PLCL2: variants seen among roughly 807,000 people sequenced by gnomAD.
PLCL2 encodes phospholipase C like 2.
PLCL2 carries 4 observed loss-of-function variants against 79.6 expected under a neutral mutation model. The observed-to-expected ratio is 0.05, with a 90% CI of 0.02 to 0.11. PLCL2 has a LOEUF of 0.11. PLCL2 is among the 10% of genes least tolerant of loss of function. The probability of loss-of-function intolerance (pLI) is 1.00; values close to 1 mark genes in which losing one functional copy is unlikely to be tolerated. For missense variants in PLCL2, 895 were observed against 1,291.0 expected, an observed-to-expected ratio of 0.69 and a Z score of 4.70; for synonymous variants, 484 against 457.7, an observed-to-expected ratio of 1.06 and a Z score of -0.73.
chr3:16,930,975 G>A (rs992402564), intron 1 of PLCL2, among the ~76,000 whole-genome samples: 1 of 151,964 alleles, frequency 6.6e-6, no homozygotes, highest in East Asian at 1.9e-4. Context: ...TTTTTCCTCT[G>A]TAAAGGCAGG....
intron 1 of PLCL2, among the ~76,000 whole-genome samples, chr3:16,925,489 T>C (rs1697225733): frequency 1.3e-5 from 2 of 152,184 alleles, no homozygotes; most frequent in South Asian, 2.1e-4. Flanking sequence ...CCATTACCAC[T>C]ATCTAATTGC....
At position 16,902,681 on chromosome 3, in the gene PLCL2, G is replaced by A. The variant is rs146782862; in HGVS notation, c.327+17315G>A. Among the ~76,000 whole-genome samples the A allele has an allele frequency of 7.7e-3, 1,176 of 152,154 alleles. 16 individuals carry two copies. Among genetic ancestry groups the A allele is most frequent in the African/African-American group, 0.027 (1,100 of 41,504 alleles). On this transcript the variant is annotated intron_variant, in intron 1 of 5. Coordinates refer to ENST00000615277, the MANE Select transcript of PLCL2 (RefSeq NM_001144382.2). ...GTCTCTATTAGAAATACAAAAGTTA[G>A]CTGGGCATGGTGATGCGTGCCTGTA...
rs759220663 is a variant in PLCL2, at chr3:17,011,699, G to A, written c.2353G>A (p.Val785Ile). The A allele has an allele frequency of 1.4e-5, 23 of 1,614,162 alleles. No homozygotes were observed. The highest frequency in any genetic ancestry group is 1.8e-5 in the Non-Finnish European group (21 of 1,180,022). Residue 785 changes from valine to isoleucine, a missense_variant, in exon 2 of 6, where the codon GTT becomes ATT. By Grantham distance (29) the Val-to-Ile change is conservative (BLOSUM62 3). This residue lies in a region of PLCL2 where 298 missense variants were observed against 459.6 expected (regional missense o/e 0.65). Transcript: ENST00000615277. The surrounding 1 kb of genome is among the most constrained non-coding windows in gnomAD (Gnocchi z 7.9). Reference sequence around the variant, plus strand: ...TGATGTGGTAGATCCTTATGTCTATGTTGAAATCCATGGAATCCCTGCTGA... The same window carrying A: ...TGATGTGGTAGATCCTTATGTCTATATTGAAATCCATGGAATCCCTGCTGA... ...KGDVVDPYVYVEIHGIPADCA... is the reference protein window; with the variant it reads ...KGDVVDPYVYIEIHGIPADCA...
At chr3:16,929,613 G>A (rs532694863) in intron 1 of PLCL2, among the ~76,000 whole-genome samples, 8 of 152,224 alleles carry the variant, frequency 5.3e-5, no homozygotes, top group East Asian at 1.9e-4. Flanking sequence ...TCTGCTGACC[G>A]TTGATGTGCT....
At chr3:16,918,776 T>G (rs1697056453) in intron 1 of PLCL2, among the ~76,000 whole-genome samples, 2 of 152,222 alleles carry the variant, frequency 1.3e-5, no homozygotes. Context: ...CTCACCTAGT[T>G]ATATAATTCT....
intron 1 of PLCL2, among the ~76,000 whole-genome samples, chr3:16,934,281 A>G (rs1381307092): frequency 1.3e-5 from 2 of 152,142 alleles, no homozygotes; most frequent in Non-Finnish European, 2.9e-5. Context: ...GGTGCCTAAG[A>G]GCTACATTTC....
At chr3:16,983,010 A>T (rs1183900594) in intron 1 of PLCL2, among the ~76,000 whole-genome samples, 1 of 152,196 alleles carries the variant, frequency 6.6e-6, no homozygotes, top group Non-Finnish European at 1.5e-5. Flanking sequence ...TTTCCATGGC[A>T]ATAGTATATT....
At chr3:17,025,430 G>A (rs1004565419) in intron 3 of PLCL2, among the ~76,000 whole-genome samples, 6 of 152,150 alleles carry the variant, frequency 3.9e-5, no homozygotes, top group African/African-American at 7.2e-5. Flanking sequence ...ACATGGGTTT[G>A]TTTGTAAGTG....
intron 1 of PLCL2, among the ~76,000 whole-genome samples, chr3:16,942,349 G>A (rs1451433508): frequency 6.6e-6 from 1 of 152,178 alleles, no homozygotes; most frequent in Non-Finnish European, 1.5e-5. Context: ...CTAAGTGAAT[G>A]GCTTTTCCTG....
At chr3:17,040,765 A>C (rs998754793) in intron 3 of PLCL2, among the ~76,000 whole-genome samples, 1 of 152,218 alleles carries the variant, frequency 6.6e-6, no homozygotes, top group Non-Finnish European at 1.5e-5. Context: ...ATTAGAACCC[A>C]TGTAAATCTT....
Position 17,010,107 on chromosome 3 carries a change from A to G in PLCL2, c.761A>G (p.Lys254Arg). ...TGLRYLISYGKHTLDMLESSQ... is the reference protein window; with the variant it reads ...TGLRYLISYGRHTLDMLESSQ... ...CTGCGGTACCTAATTTCTTATGGAAAACATACACTTGATATGTTAGAAAGT... is the reference window on the plus strand; with the variant it reads ...CTGCGGTACCTAATTTCTTATGGAAGACATACACTTGATATGTTAGAAAGT... Residue 254 changes from lysine (K) to arginine (R), a missense_variant, in exon 2 of 6, where the codon AAA (lysine) becomes AGA (arginine). This residue lies in a region of PLCL2 where 129 missense variants were observed against 208.8 expected (regional missense o/e 0.62). Transcript: ENST00000615277. The surrounding 1 kb of genome is among the most constrained non-coding windows in gnomAD (Gnocchi z 5.8). 2 of 1,614,136 alleles carry G rather than the reference A, an allele frequency of 1.2e-6. No individual in the cohort carries two copies. Among genetic ancestry groups the G allele is most frequent in the Non-Finnish European group, 1.7e-6 (2 of 1,179,986 alleles).
At chr3:16,947,303 T>A (rs2124956076) in intron 1 of PLCL2, among the ~76,000 whole-genome samples, 1 of 152,234 alleles carries the variant, frequency 6.6e-6, no homozygotes, top group East Asian at 1.9e-4. Flanking sequence ...CAACATAAAC[T>A]GCTAAAAGAG....
At chr3:17,019,022 G>A (rs2064416325) in intron 3 of PLCL2, among the ~76,000 whole-genome samples, 1 of 152,134 alleles carries the variant, frequency 6.6e-6, no homozygotes, top group South Asian at 2.1e-4. Flanking sequence ...ACAATAGATA[G>A]TAAATAGATA....
intron 5 of PLCL2, among the ~76,000 whole-genome samples, chr3:17,078,402 G>A (rs1008941119): frequency 4.6e-5 from 7 of 151,900 alleles, no homozygotes; most frequent in African/African-American, 1.2e-4. Flanking sequence ...CTGGAACATC[G>A]AAGAAGGTAC....
chr3:17,002,039 A>G (rs1340911072), intron 1 of PLCL2, among the ~76,000 whole-genome samples: 1 of 151,874 alleles, frequency 6.6e-6, no homozygotes, highest in Non-Finnish European at 1.5e-5. Flanking sequence ...GTGCTCTATC[A>G]TTTTCATTGT....
At chr3:16,995,336 G>T (rs1420351371) in intron 1 of PLCL2, among the ~76,000 whole-genome samples, 2 of 152,246 alleles carry the variant, frequency 1.3e-5, no homozygotes, top group Non-Finnish European at 2.9e-5. Context: ...GTGGTGAGTT[G>T]TATTTGCACA....
At chr3:17,074,751 G>T (rs2065093390) in intron 5 of PLCL2, among the ~76,000 whole-genome samples, 2 of 152,222 alleles carry the variant, frequency 1.3e-5, no homozygotes, top group Admixed American at 1.3e-4. Context: ...ATGTGGTGGA[G>T]ATGGCTTATT....
chr3:17,035,260 A>T (rs1350711285), intron 3 of PLCL2, among the ~76,000 whole-genome samples: 2 of 150,194 alleles, frequency 1.3e-5, no homozygotes, highest in Non-Finnish European at 2.9e-5. Flanking sequence ...TAACATACTT[A>T]AAGGAACCGT....
At chr3:17,064,312 TTCTCTC>T (rs1429641538) in intron 4 of PLCL2, among the ~76,000 whole-genome samples, 2 of 150,966 alleles carry the variant, frequency 1.3e-5, no homozygotes, top group Admixed American at 1.3e-4. Flanking sequence ...TATAATCTCA[TTCTCTC>T]TCTCTCTCTT....
Sources: allele counts gnomAD v4.1 joint callset (sites outside exome capture counted in the v4.1 genomes callset), GRCh38; gene constraint gnomAD v4.1.1; regional missense constraint gnomAD v4.1.1; non-coding constraint Gnocchi (gnomAD v3.1); transcripts MANE v1.5; gene names NCBI Gene and HGNC (gene_info 2026-07-23, HGNC 2026-07-21).